Variants in CYTH2 observed in about 807,000 individuals in gnomAD.
CYTH2 encodes cytohesin 2.
CYTH2 carries 24 observed loss-of-function variants against 55.4 expected under a neutral mutation model. The ratio of observed to expected loss-of-function variants is 0.43; its 90% CI spans 0.31 to 0.61. The LOEUF (loss-of-function observed/expected upper bound fraction) is 0.61, where lower values mean the gene tolerates loss of function less well. Among genes scored for constraint, CYTH2 ranks in the 20% least tolerant of loss-of-function variants. The pLI is 0.08. For synonymous variants in CYTH2, 221 were observed against 209.6 expected (o/e 1.05, Z -0.47); for missense variants, 378 against 533.5 (o/e 0.71, Z 2.87).
rs1349843816 is a variant in CYTH2, at chr19:48,482,179, C to A, written c.*2969C>A. The A allele has an allele frequency of 3.3e-5, 5 of 152,122 alleles. No individual in the cohort carries two copies. Among genetic ancestry groups the A allele is most frequent in the African/African-American group, 1.2e-4 (5 of 41,382 alleles). The allele number at this position is 152,122 out of a possible 1,614,324, so 9.4% of individuals were successfully genotyped here. A position where few individuals can be genotyped will look rare whatever the true frequency, so the allele number is the denominator to read the frequency against. On this transcript the variant is annotated 3_prime_UTR_variant, in exon 12 of 12. Transcript: ENST00000452733. The stretch of plus-strand genomic sequence containing the variant: ...ACCTTCCAGCCATCAGAATCTGAGC[C>A]AAATCAACCTCTTCCTTTATAAAGA...
At chr19:48,472,914 CAG>C (rs576750782) in intron 4 of CYTH2, 45 of 308,922 alleles carry the variant, frequency 1.5e-4, no homozygotes, top group African/African-American at 8.0e-4. Flanking sequence ...GTCTGGGAAT[CAG>C]GGATTTATAG....
chr19:48,473,574 A>C (rs772121855), intron 5 of CYTH2, 196 bp downstream of exon 5: 29 of 618,574 alleles, frequency 4.7e-5, no homozygotes, highest in Non-Finnish European at 7.4e-5. Flanking sequence ...CAGGAGCTCA[A>C]ATGGTGGTCA....
intron 4 of CYTH2, chr19:48,472,709 G>A: frequency 2.0e-6 from 1 of 504,492 alleles, no homozygotes; most frequent in Non-Finnish European, 3.7e-6. Context: ...GTCTGAGAAG[G>A]GTAGAGAACA....
intron 3 of CYTH2, among the ~76,000 whole-genome samples, chr19:48,471,881 C>T (rs1208581140): frequency 6.6e-6 from 1 of 152,140 alleles, no homozygotes; most frequent in Non-Finnish European, 1.5e-5. Flanking sequence ...GATAACTCAT[C>T]TCTAGAAAAA....
At chr19:48,471,054 G>C (rs1971783000) in intron 3 of CYTH2, among the ~76,000 whole-genome samples, 1 of 152,296 alleles carries the variant, frequency 6.6e-6, no homozygotes, top group South Asian at 2.1e-4. Context: ...CTCTGGAGGA[G>C]GCAGGCTGGT....
chr19:48,470,201 G>T (rs892971207), intron 1 of CYTH2, 152 bp from the exon 2 acceptor site: 6 of 1,200,830 alleles, frequency 5.0e-6, no homozygotes, highest in Non-Finnish European at 7.1e-6. Context: ...TTTCTCCTCT[G>T]CAGGGAGGAA....
chr19:48,474,219 C>T lies in CYTH2; in HGVS notation c.585C>T (p.Leu195=). The change falls in exon 7 of 12, where the codon CTC becomes CTT. Residue 195 remains leucine (L), a synonymous_variant. Coordinates refer to ENST00000452733, the MANE Select transcript of CYTH2 (RefSeq NM_004228.7). The surrounding 1 kb of genome is among the most constrained non-coding windows in gnomAD (Gnocchi z 4.9). ...TGCTGTCCTTCGCCGTCATCATGCTCAACACCAGTCTCCACAATCCCAATG... is the reference window on the plus strand; with the variant it reads ...TGCTGTCCTTCGCCGTCATCATGCTTAACACCAGTCTCCACAATCCCAATG... ...CYVLSFAVIM[L]NTSLHNPNVR... 2 of 1,611,188 alleles carry T rather than the reference C, an allele frequency of 1.2e-6. No individual in the cohort carries two copies. The highest frequency in any genetic ancestry group is 1.1e-5 in the South Asian group (1 of 90,644).
In CYTH2 at chr19:48,472,369, C is replaced by G; in HGVS notation, c.279C>G (p.Pro93=). ...AGAATGAACTGCTGCAGAACACACC[C>G]GAGGAGATCGCCCGCTTCCTGTACA... ...LVENELLQNT[P]EEIARFLYKG... Residue 93 remains proline (P), a synonymous_variant, in exon 4 of 12, where the codon CCC becomes CCG. Coordinates refer to ENST00000452733, the MANE Select transcript of CYTH2 (RefSeq NM_004228.7). 1 of 1,613,992 alleles carries G rather than the reference C, an allele frequency of 6.2e-7. No homozygotes were observed. Among genetic ancestry groups the G allele is most frequent in the East Asian group, 2.2e-5 (1 of 44,886 alleles).
At position 48,481,959 on chromosome 19, in the gene CYTH2, A is replaced by G. The variant is rs765531088; in HGVS notation, c.*2749A>G. On this transcript the variant is annotated 3_prime_UTR_variant, in exon 12 of 12. Transcript: ENST00000452733. ...GGTCTTGGAGGTGGAGTCCTCATGG[A>G]TAGATTAATGCCTGCCTTAAGGGGT... 6.6e-6 allele frequency: 1 copy of G among 152,318 alleles called. No homozygotes were observed. The highest frequency in any genetic ancestry group is 1.5e-5 in the Non-Finnish European group (1 of 68,138). The allele number at this position is 152,318 out of a possible 1,614,324, so 9.4% of individuals were successfully genotyped here.
In CYTH2 at chr19:48,474,773, C is replaced by A; in HGVS notation, c.697-65C>A. 2.1e-6 allele frequency: 3 copies of A among 1,451,364 alleles called. No individual in the cohort carries two copies. The highest frequency in any genetic ancestry group is 1.1e-5 in the South Asian group (1 of 87,614). 89.9% of individuals were successfully genotyped at this position (1,451,364 alleles called of 1,614,324 possible). A position where few individuals can be genotyped will look rare whatever the true frequency, so the allele number is the denominator to read the frequency against. ...ATCCCATCCCTGGTCTCGCTGCCCC[C>A]CACCCTGAGTAACCCTGGGGGGCCC... On this transcript the variant is annotated intron_variant, in intron 7 of 11. Transcript: ENST00000452733. This position sits in a 1 kb window ranked among gnomAD's most constrained non-coding sequence, Gnocchi z 4.9.
chr19:48,469,669 G>A, intron 1 of CYTH2, 143 bp downstream of exon 1: 1 of 1,254,164 alleles, frequency 8.0e-7, no homozygotes, highest in Non-Finnish European at 1.1e-6. Flanking sequence ...TTTGTTGGGC[G>A]CTGGACGGGC....
chr19:48,478,186 G>A, intron 9 of CYTH2, 41 bp downstream of exon 9: 1 of 1,612,742 alleles, frequency 6.2e-7, no homozygotes. Flanking sequence ...CCTGGGCGGA[G>A]TGGCTGGGAG....
At chr19:48,471,898 ATAAAT>A (rs1225074914) in intron 3 of CYTH2, among the ~76,000 whole-genome samples, 1 of 152,170 alleles carries the variant, frequency 6.6e-6, no homozygotes, top group Non-Finnish European at 1.5e-5. Flanking sequence ...AAAAATATAA[ATAAAT>A]AAATTAGCCA....
At chr19:48,469,999 C>T (rs1357831579) in intron 1 of CYTH2, 3 of 564,970 alleles carry the variant, frequency 5.3e-6, no homozygotes, top group Non-Finnish European at 1.0e-5. Flanking sequence ...CCAGCTACCT[C>T]GCCAGTAATG....
rs1308478747 is a variant in CYTH2 at position 48,474,242 on chromosome 19, A to G, written c.608A>G (p.Asn203Ser). The G allele has an allele frequency of 3.1e-6, 5 of 1,613,050 alleles. No individual in the cohort carries two copies. The highest frequency in any genetic ancestry group is 1.7e-5 in the Admixed American group (1 of 59,816). ...CTCAACACCAGTCTCCACAATCCCA[A>G]TGTCCGGGACAAGCCGGGCCTGGAG... ...IMLNTSLHNP[N>S]VRDKPGLERF... The change falls in exon 7 of 12, where the codon AAT becomes AGT. Residue 203 changes from asparagine to serine, a missense_variant. By Grantham distance (46) the Asn-to-Ser change is conservative (BLOSUM62 1). Coordinates refer to ENST00000452733, the MANE Select transcript of CYTH2 (RefSeq NM_004228.7). This position sits in a 1 kb window ranked among gnomAD's most constrained non-coding sequence, Gnocchi z 4.9.
chr19:48,472,593 C>T (rs753568921), intron 4 of CYTH2, 150 bp downstream of exon 4: 4 of 744,160 alleles, frequency 5.4e-6, no homozygotes, highest in African/African-American at 3.5e-5. Flanking sequence ...TGGACTGTGA[C>T]AGAATGGACT....
intron 3 of CYTH2, among the ~76,000 whole-genome samples, chr19:48,470,943 C>G (rs768664422): frequency 5.3e-5 from 8 of 152,154 alleles, no homozygotes; most frequent in Non-Finnish European, 1.0e-4. Flanking sequence ...AAGATGAGCT[C>G]GAGTCTTGTA....
chr19:48,474,768 G>GC lies in CYTH2; in HGVS notation c.697-64dup, dbSNP rs377505526. On this transcript the variant is annotated intron_variant, in intron 7 of 11. Coordinates refer to ENST00000452733, the MANE Select transcript of CYTH2 (RefSeq NM_004228.7). This position sits in a 1 kb window ranked among gnomAD's most constrained non-coding sequence, Gnocchi z 4.9. ...GAGTCATCCCATCCCTGGTCTCGCT[G>GC]CCCCCCACCCTGAGTAACCCTGGGG... The GC allele has an allele frequency of 5.4e-4, 742 of 1,373,282 alleles. 4 individuals are homozygous for GC. The African/African-American group carries it at 8.8e-3, about 16-fold the overall frequency. 85.1% of individuals were successfully genotyped at this position (1,373,282 alleles called of 1,614,324 possible).
At chr19:48,476,075 G>A (rs1228547828) in intron 8 of CYTH2, 3 of 513,596 alleles carry the variant, frequency 5.8e-6, no homozygotes, top group African/African-American at 3.9e-5. Flanking sequence ...GCCTCCCCAT[G>A]TGGAACTGTG....
Sources: gnomAD v4.1 joint callset for allele counts (sites outside exome capture counted in the v4.1 genomes callset) on GRCh38, gnomAD v4.1.1 for gene constraint, Gnocchi (gnomAD v3.1) non-coding constraint, MANE v1.5 for transcripts, NCBI Gene and HGNC (gene_info 2026-07-23, HGNC 2026-07-21) for gene names.